Variants in PCDHGB2 observed in about 807,000 individuals in gnomAD.
PCDHGB2 encodes the protein protocadherin gamma-B2.
A neutral mutation model predicts 59.3 loss-of-function variants in PCDHGB2; 55 were observed. That is an observed-to-expected ratio of 0.93 (90% CI 0.75 to 1.16). PCDHGB2 has a LOEUF of 1.16. Among genes scored for constraint, PCDHGB2 ranks in the 50% most tolerant of loss-of-function variants. PCDHGB2 has a pLI of 0.00. For synonymous variants in PCDHGB2, 516 were observed against 512.0 expected (o/e 1.01, Z -0.11); for missense variants, 1,228 against 1,198.5 (o/e 1.02, Z -0.36).
At chr5:141,422,480 G>A in intron 1 of PCDHGB2, 2 of 1,613,906 alleles carry the variant, frequency 1.2e-6, no homozygotes, top group South Asian at 2.2e-5. Flanking sequence ...TTGGTCCAGA[G>A]CTACAATATA....
chr5:141,371,546 C>T, intron 1 of PCDHGB2: 1 of 1,613,690 alleles, frequency 6.2e-7, no homozygotes, highest in Non-Finnish European at 8.5e-7. Flanking sequence ...AAATCCTATG[C>T]CAACTAAAAG....
intron 1 of PCDHGB2, among the ~76,000 whole-genome samples, chr5:141,442,846 C>T (rs1489647686): frequency 2.6e-5 from 4 of 152,234 alleles, no homozygotes; most frequent in Non-Finnish European, 4.4e-5. Context: ...AAATCTTGGC[C>T]ATTGTAGTAT....
At chr5:141,404,600 CTG>C (rs2094545529) in intron 1 of PCDHGB2, 2 of 1,613,938 alleles carry the variant, frequency 1.2e-6, no homozygotes, top group Non-Finnish European at 1.7e-6. Context: ...GTCATTGAGA[CTG>C]TTTGTTTTGG....
At chr5:141,374,137 G>A in intron 1 of PCDHGB2, 1 of 1,606,330 alleles carries the variant, frequency 6.2e-7, no homozygotes. Context: ...TGCTCCTCAC[G>A]CTCCTGGGGA....
chr5:141,383,152 G>A lies in PCDHGB2; in HGVS notation c.2421+20596G>A, dbSNP rs200500982. 5.1e-5 allele frequency: 83 copies of A among 1,614,124 alleles called. No individual in the cohort carries two copies. The African/African-American group carries it at 8.8e-4, about 17-fold the overall frequency. Reference sequence around the variant, plus strand: ...CCTGAACCAGCGCAGCGGCAGCTTGGTCACTGCGGGCAGGATAGACCGGGA... The same window carrying A: ...CCTGAACCAGCGCAGCGGCAGCTTGATCACTGCGGGCAGGATAGACCGGGA... On this transcript the variant is annotated intron_variant, in intron 1 of 3. Coordinates refer to ENST00000522605, the MANE Select transcript of PCDHGB2 (RefSeq NM_018923.3).
chr5:141,397,287 G>A (rs2093504712), intron 1 of PCDHGB2, among the ~76,000 whole-genome samples: 1 of 152,134 alleles, frequency 6.6e-6, no homozygotes, highest in Admixed American at 6.5e-5. Flanking sequence ...CAGTATACTT[G>A]AATGAATATT....
At chr5:141,478,864 A>G in intron 1 of PCDHGB2, 1 of 1,322,156 alleles carries the variant, frequency 7.6e-7, no homozygotes, top group Non-Finnish European at 1.0e-6. Flanking sequence ...GATCTCAGCG[A>G]TCAGAGTTTA....
chr5:141,436,600 G>C (rs1054182433), intron 1 of PCDHGB2, among the ~76,000 whole-genome samples: 2 of 152,154 alleles, frequency 1.3e-5, no homozygotes, highest in African/African-American at 2.4e-5. Context: ...CGTGGTGATG[G>C]CTAGGGCTAA....
At chr5:141,425,447 A>G (rs549575207) in intron 1 of PCDHGB2, among the ~76,000 whole-genome samples, 5 of 152,318 alleles carry the variant, frequency 3.3e-5, no homozygotes, top group African/African-American at 1.2e-4. Flanking sequence ...AAAATAAAAC[A>G]CCATCACATT....
rs556498014 is a variant in PCDHGB2, at chr5:141,368,537, TC to T, written c.2421+5983del. On this transcript the variant is annotated intron_variant, in intron 1 of 3. Coordinates refer to ENST00000522605, the MANE Select transcript of PCDHGB2 (RefSeq NM_018923.3). ...TCACTCCTATGTGAAAACTTGCTTT[TC>T]CATTTTTTTTAAAAGAAAATGTTAT... Among the ~76,000 whole-genome samples the T allele has an allele frequency of 2.0e-3, 312 of 152,342 alleles. 1 individual carries two copies. Among genetic ancestry groups the T allele is most frequent in the Middle Eastern group, 0.01 (3 of 294 alleles).
At chr5:141,364,321 A>G (rs762290044) in intron 1 of PCDHGB2, 21 of 1,526,304 alleles carry the variant, frequency 1.4e-5, no homozygotes, top group Middle Eastern at 1.8e-4. Flanking sequence ...AATTGGGCAG[A>G]GAGAAGGCAA....
At chr5:141,423,563 C>G (rs745802952) in intron 1 of PCDHGB2, 3 of 1,613,550 alleles carry the variant, frequency 1.9e-6, no homozygotes, top group Admixed American at 1.7e-5. Flanking sequence ...TATGGGGACA[C>G]GCTCATCAGC....
chr5:141,476,317 G>T lies in PCDHGB2; in HGVS notation c.2422-18490G>T, dbSNP rs759809060. ...GTAGCCTCTCAGCCCGCAGGTTCCG[G>T]GTGGTGTCTGGAGCTAGCCGAAGAT... On this transcript the variant is annotated intron_variant, in intron 1 of 3. Transcript: ENST00000522605. This position sits in a 1 kb window ranked among gnomAD's most constrained non-coding sequence, Gnocchi z 7.6. 1.9e-6 allele frequency: 3 copies of T among 1,614,170 alleles called. No individual in the cohort carries two copies. The highest frequency in any genetic ancestry group is 1.7e-5 in the Admixed American group (1 of 60,024).
chr5:141,505,072 G>A (rs1374916789), intron 2 of PCDHGB2, among the ~76,000 whole-genome samples: 1 of 152,228 alleles, frequency 6.6e-6, no homozygotes. Context: ...TGAGGCAGGA[G>A]AATCGCTTGA....
At chr5:141,382,770 C>T in intron 1 of PCDHGB2, 7 of 734,404 alleles carry the variant, frequency 9.5e-6, no homozygotes, top group Non-Finnish European at 1.5e-5. Context: ...TTCCAGGCTG[C>T]ACTAAACTCA....
intron 1 of PCDHGB2, chr5:141,422,676 A>G (rs1245488589): frequency 1.2e-6 from 2 of 1,606,500 alleles, no homozygotes; most frequent in East Asian, 4.5e-5. Flanking sequence ...CGGACAGCAA[A>G]CAGAATGCCC....
At position 141,490,155 on chromosome 5, in the gene PCDHGB2, G is replaced by A. The variant is rs753981059; in HGVS notation, c.2422-4652G>A. On this transcript the variant is annotated intron_variant, in intron 1 of 3. Transcript: ENST00000522605. This position sits in a 1 kb window ranked among gnomAD's most constrained non-coding sequence, Gnocchi z 5.4. ...CTAGCAGTGGGGCAATCCATGTGTT[G>A]GGTCCCATAGACTTTGAGGAGTCAC... 2 of 1,614,214 alleles carry A rather than the reference G, an allele frequency of 1.2e-6. No individual in the cohort carries two copies. The highest frequency in any genetic ancestry group is 1.1e-5 in the South Asian group (1 of 91,086).
chr5:141,372,365 C>T lies in PCDHGB2; in HGVS notation c.2421+9809C>T, dbSNP rs777698721. On this transcript the variant is annotated intron_variant, in intron 1 of 3. Coordinates refer to ENST00000522605, the MANE Select transcript of PCDHGB2 (RefSeq NM_018923.3). ...GAGGACAGCAGCCTCTTTCAGCCACCGTCATGCTGCACCTAATCTTCGCAG... is the reference window on the plus strand; with the variant it reads ...GAGGACAGCAGCCTCTTTCAGCCACTGTCATGCTGCACCTAATCTTCGCAG... 5.0e-6 allele frequency: 8 copies of T among 1,613,848 alleles called. No individual in the cohort carries two copies. The African/African-American group carries it at 6.7e-5, about 13-fold the overall frequency.
chr5:141,371,657 G>C (rs761215785), intron 1 of PCDHGB2: 5 of 1,613,870 alleles, frequency 3.1e-6, no homozygotes, highest in South Asian at 1.1e-5. Flanking sequence ...ACAATGTGAC[G>C]ATCACAGCTA....
Sources: gnomAD v4.1 joint callset for allele counts (sites outside exome capture counted in the v4.1 genomes callset) on GRCh38, gnomAD v4.1.1 for gene constraint, Gnocchi (gnomAD v3.1) non-coding constraint, MANE v1.5 for transcripts, NCBI Gene and HGNC (gene_info 2026-07-23, HGNC 2026-07-21) for gene names.